The following RASAL2 variants were observed in gnomAD, a reference collection of about 807,000 sequenced individuals.
The protein encoded by RASAL2 is ras GTPase-activating protein nGAP.
A neutral mutation model predicts 128.9 loss-of-function variants in RASAL2; 58 were observed. The observed-to-expected ratio is 0.45, with a 90% confidence interval of 0.36 to 0.56. The LOEUF is 0.56. Ranked by LOEUF, RASAL2 falls within the 20% of genes least tolerant of loss-of-function variation. The pLI is 0.00. For synonymous variants in RASAL2, 561 were observed against 580.8 expected, an observed-to-expected ratio of 0.97 and a Z score of 0.49; for missense variants, 1,360 against 1,601.6, an observed-to-expected ratio of 0.85 and a Z score of 2.57.
At chr1:178,197,200 G>A (rs1231295808) in intron 1 of RASAL2, among the ~76,000 whole-genome samples, 1 of 152,160 alleles carries the variant, frequency 6.6e-6, no homozygotes, top group Non-Finnish European at 1.5e-5. Flanking sequence ...GCTCACGCCT[G>A]TAATCCCAAA....
intron 1 of RASAL2, among the ~76,000 whole-genome samples, chr1:178,225,760 C>T (rs1432679877): frequency 6.7e-6 from 1 of 149,772 alleles, no homozygotes. Context: ...TCATACTGTA[C>T]ATACATATAT....
chr1:178,441,499 C>A, intron 6 of RASAL2, 50 bp from the exon 7 acceptor site: 1 of 1,344,354 alleles, frequency 7.4e-7, no homozygotes, highest in South Asian at 1.2e-5. Flanking sequence ...AATGACAGAG[C>A]CCTGAAATCC....
At position 178,467,415 on chromosome 1, in the gene RASAL2, T is replaced by A; in HGVS notation, c.3672T>A (p.Asp1224Glu). The change falls in exon 17 of 18, where the codon GAT becomes GAA. Residue 1224 changes from aspartate (D) to glutamate (E), a missense_variant. Around this residue, in one of 3 missense-constraint regions of RASAL2, gnomAD observed 741 missense variants for 868.6 expected, o/e 0.85. Coordinates refer to ENST00000367649, the MANE Select transcript of RASAL2 (RefSeq NM_170692.4). ...TTGATGCAAAGCAGAAAATAATTGA[T>A]GCACAGGTAAGCAGGCTTTGAATCT... The part of the protein sequence containing the change: ...AVIDAKQKII[D>E]AQEKRIVSLD... The A allele has an allele frequency of 6.2e-7, 1 of 1,613,496 alleles. No individual in the cohort carries two copies. The highest frequency in any genetic ancestry group is 1.3e-5 in the African/African-American group (1 of 75,062).
rs564209003 is a variant in RASAL2 at position 178,181,723 on chromosome 1, A to C, written c.202+87029A>C. Among the ~76,000 whole-genome samples the C allele has an allele frequency of 5.3e-5, 8 of 150,216 alleles. No individual in the cohort carries two copies. The South Asian group carries it at 1.7e-3, about 31-fold the overall frequency. ...GTTCTTTATTTTTTATGACCTTGAC[A>C]GTTTTGAGGAGTATTGATAAGGTTT... On this transcript the variant is annotated intron_variant, in intron 1 of 17. Transcript: ENST00000367649.
At chr1:178,417,947 C>G (rs1674878010) in intron 4 of RASAL2, among the ~76,000 whole-genome samples, 2 of 152,064 alleles carry the variant, frequency 1.3e-5, no homozygotes, top group African/African-American at 4.8e-5. Context: ...TATTACAATT[C>G]TATAAACTTA....
chr1:178,200,806 C>T (rs768908421), intron 1 of RASAL2, among the ~76,000 whole-genome samples: 5 of 152,164 alleles, frequency 3.3e-5, no homozygotes, highest in Non-Finnish European at 7.3e-5. Context: ...CTCTGATGAA[C>T]CCTTTTTACC....
intron 3 of RASAL2, among the ~76,000 whole-genome samples, chr1:178,356,007 G>A (rs1670786654): frequency 6.6e-6 from 1 of 151,748 alleles, no homozygotes; most frequent in Admixed American, 6.6e-5. Context: ...CATCTCTACT[G>A]AAAATACAAA....
intron 2 of RASAL2, among the ~76,000 whole-genome samples, chr1:178,284,585 CT>C (rs1666932201): frequency 6.6e-6 from 1 of 152,180 alleles, no homozygotes. Flanking sequence ...CATGCTATTA[CT>C]ATTTTATTCC....
At chr1:178,141,701 G>A (rs1010381831) in intron 1 of RASAL2, among the ~76,000 whole-genome samples, 3 of 152,150 alleles carry the variant, frequency 2.0e-5, no homozygotes, top group Non-Finnish European at 2.9e-5. Flanking sequence ...CGGAGCATGG[G>A]CTAGCAGGCT....
chr1:178,373,815 A>G (rs1335270635), intron 3 of RASAL2, among the ~76,000 whole-genome samples: 5 of 152,062 alleles, frequency 3.3e-5, no homozygotes, highest in South Asian at 2.1e-4. Flanking sequence ...GTAAATTCCT[A>G]TTTATCCACA....
chr1:178,157,652 T>C (rs1020793379), intron 1 of RASAL2, among the ~76,000 whole-genome samples: 1 of 152,194 alleles, frequency 6.6e-6, no homozygotes, highest in Admixed American at 6.5e-5. Context: ...GGGATTTGAT[T>C]ATATCCTTTA....
At chr1:178,193,778 A>AC (rs1662569097) in intron 1 of RASAL2, among the ~76,000 whole-genome samples, 1 of 14,748 alleles carries the variant, frequency 6.8e-5, no homozygotes, top group East Asian at 0.026. Context: ...GACACAAAGA[A>AC]TTTTTTTTGG....
intron 1 of RASAL2, among the ~76,000 whole-genome samples, chr1:178,165,107 G>A (rs1661475920): frequency 6.6e-6 from 1 of 151,954 alleles, no homozygotes. Flanking sequence ...AGAGTCTTGA[G>A]CGCATGGATT....
At chr1:178,170,674 A>G (rs972826187) in intron 1 of RASAL2, among the ~76,000 whole-genome samples, 1 of 151,020 alleles carries the variant, frequency 6.6e-6, no homozygotes, top group Non-Finnish European at 1.5e-5. Flanking sequence ...TTCATATTTC[A>G]TGGTCTTTTT....
chr1:178,408,254 A>C (rs1052866762), intron 4 of RASAL2, among the ~76,000 whole-genome samples: 1 of 152,214 alleles, frequency 6.6e-6, no homozygotes, highest in Non-Finnish European at 1.5e-5. Flanking sequence ...TTGGTGTCAG[A>C]AGGATGAAAT....
At chr1:178,311,245 C>T in intron 3 of RASAL2, among the ~76,000 whole-genome samples, 1 of 92,772 alleles carries the variant, frequency 1.1e-5, no homozygotes, top group Admixed American at 1.4e-4. Flanking sequence ...CAGCCATACA[C>T]ACACACAAAC....
intron 2 of RASAL2, among the ~76,000 whole-genome samples, chr1:178,297,656 T>C (rs1199600616): frequency 6.7e-6 from 1 of 150,326 alleles, no homozygotes; most frequent in Non-Finnish European, 1.5e-5. Flanking sequence ...AGAATAAAGG[T>C]TATATTATGT....
At chr1:178,227,723 C>G (rs1390238992) in intron 1 of RASAL2, among the ~76,000 whole-genome samples, 2 of 152,182 alleles carry the variant, frequency 1.3e-5, no homozygotes, top group Non-Finnish European at 2.9e-5. Context: ...TTTGACATAG[C>G]AACCAGAATG....
intron 1 of RASAL2, among the ~76,000 whole-genome samples, chr1:178,271,265 T>A (rs1233910173): frequency 6.6e-6 from 1 of 152,250 alleles, no homozygotes; most frequent in East Asian, 1.9e-4. Context: ...TACTCAGGCC[T>A]GCTAAGTCAG....
Sources: allele counts gnomAD v4.1 joint callset (sites outside exome capture counted in the v4.1 genomes callset), GRCh38; gene constraint gnomAD v4.1.1; regional missense constraint gnomAD v4.1.1; transcripts MANE v1.5; gene names NCBI Gene and HGNC (gene_info 2026-07-23, HGNC 2026-07-21).